Variants in DAB1 observed in about 807,000 individuals in gnomAD.
DAB1 encodes the protein disabled homolog 1.
Under a neutral mutation model 64.6 loss-of-function variants are expected in DAB1, and 15 were observed. The observed-to-expected ratio is 0.23, with a 90% CI of 0.16 to 0.36. The LOEUF is 0.36. Among genes scored for constraint, DAB1 ranks in the 10% least tolerant of loss-of-function variants. The pLI, the probability that DAB1 is intolerant of heterozygous loss-of-function variation, is 1.00. For missense variants in DAB1, 596 were observed against 706.7 expected (o/e 0.84, Z 1.78); for synonymous variants, 235 against 251.9 (o/e 0.93, Z 0.64).
rs79363752 is a variant in DAB1 at position 57,101,595 on chromosome 1, A to T, written c.307-29181T>A. Among the ~76,000 whole-genome samples the T allele has an allele frequency of 1.8e-3, 268 of 152,336 alleles. 2 individuals are homozygous for T. In the East Asian group the frequency reaches 0.04, roughly 23 times the overall value. Reference sequence around the variant, plus strand: ...GAGCCATTGAAATAAAAAGAAAGCTATAGATTCAGATAAGCAATGCACACT... The same window carrying T: ...GAGCCATTGAAATAAAAAGAAAGCTTTAGATTCAGATAAGCAATGCACACT... On this transcript the variant is annotated intron_variant, in intron 4 of 14. Coordinates refer to ENST00000371236, the MANE Select transcript of DAB1 (RefSeq NM_001365792.1).
chr1:57,652,595 T>A (rs1471512658), intron 6 of DAB1, among the ~76,000 whole-genome samples: 2 of 152,240 alleles, frequency 1.3e-5, no homozygotes, highest in Admixed American at 6.5e-5. Context: ...TACTTTATAA[T>A]CCTTCTGATT....
At chr1:58,538,745 T>C (rs1646557346) in intron 1 of DAB1, 1 of 708,992 alleles carries the variant, frequency 1.4e-6, no homozygotes, top group Non-Finnish European at 2.4e-6. Flanking sequence ...GCACAAAATA[T>C]TAATGCAAAA....
chr1:58,372,214 T>G (rs544389400), intron 3 of DAB1, among the ~76,000 whole-genome samples: 1 of 152,212 alleles, frequency 6.6e-6, no homozygotes, highest in Admixed American at 6.5e-5. Flanking sequence ...GCCCAAGGCC[T>G]AGGGAGCCCA....
chr1:57,654,268 A>T (rs1308229551), intron 6 of DAB1, among the ~76,000 whole-genome samples: 1 of 152,210 alleles, frequency 6.6e-6, no homozygotes, highest in Non-Finnish European at 1.5e-5. Context: ...TCAGATGGTC[A>T]CATGTGCCAT....
At chr1:58,147,164 G>A (rs185465561) in intron 5 of DAB1, among the ~76,000 whole-genome samples, 8 of 151,974 alleles carry the variant, frequency 5.3e-5, no homozygotes, top group Non-Finnish European at 8.8e-5. Context: ...AAAATTAGCC[G>A]GGCATGGTAG....
intron 14 of DAB1, among the ~76,000 whole-genome samples, chr1:57,009,516 G>A (rs533956607): frequency 6.6e-6 from 1 of 152,110 alleles, no homozygotes; most frequent in Admixed American, 6.6e-5. Context: ...TCTAACTTAC[G>A]TGTGGGCTAA....
intron 6 of DAB1, among the ~76,000 whole-genome samples, chr1:57,697,761 CTG>C (rs1163571741): frequency 6.6e-6 from 1 of 152,120 alleles, no homozygotes; most frequent in Non-Finnish European, 1.5e-5. Flanking sequence ...TGCCACTAGG[CTG>C]TGTTCTTTCT....
At chr1:58,542,552 C>T (rs577251321) in intron 1 of DAB1, 1 of 151,908 alleles carries the variant, frequency 6.6e-6, no homozygotes, top group Admixed American at 6.6e-5. Context: ...ATTTTTCATG[C>T]CATTTAGGCA....
intron 6 of DAB1, among the ~76,000 whole-genome samples, chr1:57,774,074 A>G (rs1557472759): frequency 6.6e-6 from 1 of 151,890 alleles, no homozygotes; most frequent in Non-Finnish European, 1.5e-5. Context: ...TCCTTGAATC[A>G]TGAGTTAATC....
intron 5 of DAB1, among the ~76,000 whole-genome samples, chr1:57,977,718 C>A (rs533782389): frequency 6.6e-6 from 1 of 152,028 alleles, no homozygotes; most frequent in Non-Finnish European, 1.5e-5. Context: ...ATCCCCCGGA[C>A]CCACCACAAG....
chr1:57,033,818 T>C (rs1193868609), intron 9 of DAB1, among the ~76,000 whole-genome samples: 2 of 152,210 alleles, frequency 1.3e-5, no homozygotes. Flanking sequence ...TTCCTGCAAT[T>C]AGAGACATTG....
chr1:58,132,982 C>G (rs1653724529), intron 5 of DAB1, among the ~76,000 whole-genome samples: 2 of 152,176 alleles, frequency 1.3e-5, no homozygotes, highest in South Asian at 4.1e-4. Flanking sequence ...TGTACATTCC[C>G]ACGAGCTTAT....
At chr1:57,905,306 G>T (rs1483373821) in intron 5 of DAB1, among the ~76,000 whole-genome samples, 2 of 151,872 alleles carry the variant, frequency 1.3e-5, no homozygotes, top group East Asian at 2.0e-4. Flanking sequence ...AGAGGGCGTT[G>T]GTGCAAGGAA....
chr1:58,447,623 C>T (rs1028860728), intron 3 of DAB1, among the ~76,000 whole-genome samples: 1 of 152,076 alleles, frequency 6.6e-6, no homozygotes, highest in African/African-American at 2.4e-5. Context: ...CTCGTCAGTG[C>T]TATGAAAGAA....
chr1:57,602,301 C>G (rs757347962), intron 7 of DAB1, among the ~76,000 whole-genome samples: 1 of 152,154 alleles, frequency 6.6e-6, no homozygotes, highest in Non-Finnish European at 1.5e-5. Flanking sequence ...AGGATAGATA[C>G]GATGATCCTT....
chr1:58,360,506 A>G (rs1182446492), intron 3 of DAB1, among the ~76,000 whole-genome samples: 2 of 152,100 alleles, frequency 1.3e-5, no homozygotes, highest in Admixed American at 6.6e-5. Context: ...CCGCCTTTTC[A>G]TCTTTTTATC....
chr1:57,014,003 G>A (rs1340034238), intron 12 of DAB1, among the ~76,000 whole-genome samples: 1 of 152,134 alleles, frequency 6.6e-6, no homozygotes, highest in African/African-American at 2.4e-5. Context: ...AGCTTGTGGT[G>A]GAGGAGTCAA....
intron 2 of DAB1, chr1:58,506,241 A>C (rs745740511): frequency 1.2e-6 from 1 of 842,654 alleles, no homozygotes. Flanking sequence ...CCACACAATG[A>C]GCTCAGTTTT....
At chr1:58,511,030 C>T (rs930203545) in intron 2 of DAB1, among the ~76,000 whole-genome samples, 5 of 152,034 alleles carry the variant, frequency 3.3e-5, no homozygotes, top group African/African-American at 7.2e-5. Context: ...GACTTAATAT[C>T]GTTAAAATAT....
Sources: allele counts gnomAD v4.1 joint callset (sites outside exome capture counted in the v4.1 genomes callset), GRCh38; gene constraint gnomAD v4.1.1; transcripts MANE v1.5; gene names NCBI Gene and HGNC (gene_info 2026-07-23, HGNC 2026-07-21).